MAML3: variants seen among roughly 807,000 people sequenced by gnomAD.
The protein encoded by MAML3 is mastermind-like protein 3.
MAML3 carries 27 observed loss-of-function variants against 101.9 expected under a neutral mutation model. The ratio of observed to expected loss-of-function variants is 0.27; its 90% CI spans 0.20 to 0.37. MAML3 has a LOEUF of 0.37. Ranked by LOEUF, MAML3 falls within the 10% of genes least tolerant of loss-of-function variation. MAML3 has a pLI of 1.00. For missense variants in MAML3, 1,316 were observed against 1,444.9 expected (o/e 0.91, Z 1.45); for synonymous variants, 501 against 555.9 (o/e 0.90, Z 1.39).
intron 1 of MAML3, among the ~76,000 whole-genome samples, chr4:140,036,979 A>G (rs1042337585): frequency 3.9e-5 from 6 of 152,170 alleles, no homozygotes; most frequent in Admixed American, 3.9e-4. Context: ...GCTTCAACAC[A>G]AGAATTTATA....
intron 2 of MAML3, among the ~76,000 whole-genome samples, chr4:139,792,253 G>A (rs1454191687): frequency 2.0e-5 from 3 of 152,126 alleles, no homozygotes; most frequent in African/African-American, 7.2e-5. Flanking sequence ...AAATCTAAGA[G>A]ATCTGAGAAG....
chr4:139,730,767 A>G lies in MAML3; in HGVS notation c.2080-100T>C, dbSNP rs550301848. 183 of 1,129,952 alleles carry G rather than the reference A, an allele frequency of 1.6e-4. 1 individual carries two copies. Among genetic ancestry groups the G allele is most frequent in the South Asian group, 1.2e-3 (81 of 65,838 alleles). The allele number at this position is 1,129,952 out of a possible 1,614,324, so 70.0% of individuals were successfully genotyped here. A position where few individuals can be genotyped will look rare whatever the true frequency, so the allele number is the denominator to read the frequency against. ...AAAAAGGGAACGGGGCAGAAGTCCCAGCTTATGGACTGGAGGGTTTTTGAG... is the reference window on the plus strand; with the variant it reads ...AAAAAGGGAACGGGGCAGAAGTCCCGGCTTATGGACTGGAGGGTTTTTGAG... On this transcript the variant is annotated intron_variant, in intron 2 of 4. Coordinates refer to ENST00000509479, the MANE Select transcript of MAML3 (RefSeq NM_018717.5).
rs539490616 is a variant in MAML3, at chr4:139,753,157, T to C, written c.2080-22490A>G. 9.2e-5 allele frequency among the ~76,000 whole-genome samples: 14 copies of C among 152,294 alleles called. No individual in the cohort carries two copies. The South Asian group carries it at 2.9e-3, about 32-fold the overall frequency. On this transcript the variant is annotated intron_variant, in intron 2 of 4. Coordinates refer to ENST00000509479, the MANE Select transcript of MAML3 (RefSeq NM_018717.5). ...TTCCTTCTTTCCCTTTTCATTGGGG[T>C]AAAATATACATAACATAAAATTTAT... is the stretch of plus-strand genomic sequence containing the variant.
Position 139,823,789 on chromosome 4 carries a change from C to T in MAML3, c.2079+65568G>A, listed in dbSNP as rs114508503. On this transcript the variant is annotated intron_variant, in intron 2 of 4. Transcript: ENST00000509479. ...CAGAGTTCCTATTCTTTTTTATCCGCTCACAGATTTAAGTGCCTAGAGCAG... is the reference window on the plus strand; with the variant it reads ...CAGAGTTCCTATTCTTTTTTATCCGTTCACAGATTTAAGTGCCTAGAGCAG... Among the ~76,000 whole-genome samples the T allele has an allele frequency of 6.1e-3, 925 of 151,036 alleles. 12 individuals carry two copies. Among genetic ancestry groups the T allele is most frequent in the African/African-American group, 0.021 (858 of 41,112 alleles).
chr4:140,005,914 TAGTGTTAAAG>T (rs1266922678), intron 1 of MAML3, among the ~76,000 whole-genome samples: 1 of 152,180 alleles, frequency 6.6e-6, no homozygotes, highest in Non-Finnish European at 1.5e-5. Context: ...TCTCACCCAA[TAGTGTTAAAG>T]ACATTACTGC....
chr4:139,810,318 G>A (rs1169075753), intron 2 of MAML3, among the ~76,000 whole-genome samples: 2 of 150,876 alleles, frequency 1.3e-5, no homozygotes, highest in Non-Finnish European at 2.9e-5. Flanking sequence ...TCAGCCTCCT[G>A]AGTAGCTGGC....
chr4:139,853,751 G>A (rs1455279256), intron 2 of MAML3, among the ~76,000 whole-genome samples: 1 of 152,074 alleles, frequency 6.6e-6, no homozygotes, highest in Non-Finnish European at 1.5e-5. Flanking sequence ...AGTGGAGAGG[G>A]GTGTTTAAAT....
At chr4:140,008,208 G>A (rs952288019) in intron 1 of MAML3, among the ~76,000 whole-genome samples, 2 of 152,168 alleles carry the variant, frequency 1.3e-5, no homozygotes, top group African/African-American at 4.8e-5. Flanking sequence ...TTAGCTGGGC[G>A]TGGTGGCGCA....
chr4:140,110,098 A>T (rs779115113), intron 1 of MAML3, among the ~76,000 whole-genome samples: 3 of 152,240 alleles, frequency 2.0e-5, no homozygotes, highest in Admixed American at 2.0e-4. Flanking sequence ...GTCCCTTTGC[A>T]GCCAACGAAT....
intron 2 of MAML3, among the ~76,000 whole-genome samples, chr4:139,763,598 C>T (rs1335812634): frequency 8.4e-6 from 1 of 118,900 alleles, no homozygotes; most frequent in Admixed American, 9.0e-5. Flanking sequence ...ACTAAAAAAT[C>T]CTGTTCAGCA....
chr4:139,772,065 C>T (rs1730000794), intron 2 of MAML3, among the ~76,000 whole-genome samples: 1 of 151,122 alleles, frequency 6.6e-6, no homozygotes, highest in Non-Finnish European at 1.5e-5. Flanking sequence ...CGGTGAAACC[C>T]CCGTCTCTAC....
chr4:139,927,044 G>A (rs1446456041), intron 1 of MAML3, among the ~76,000 whole-genome samples: 1 of 150,604 alleles, frequency 6.6e-6, no homozygotes, highest in Non-Finnish European at 1.5e-5. Context: ...TTCAGTTTGT[G>A]TGTGTTTAAT....
intron 2 of MAML3, among the ~76,000 whole-genome samples, chr4:139,833,452 G>A (rs1578622957): frequency 6.6e-6 from 1 of 152,144 alleles, no homozygotes; most frequent in African/African-American, 2.4e-5. Context: ...GTACATGTTC[G>A]ATTTGGGGAG....
intron 1 of MAML3, among the ~76,000 whole-genome samples, chr4:139,947,871 G>A (rs1039170105): frequency 6.6e-6 from 1 of 152,126 alleles, no homozygotes; most frequent in Non-Finnish European, 1.5e-5. Context: ...GGATGCTGGG[G>A]TGGGCGGATC....
At chr4:140,060,388 C>CAAAAAA (rs1553971714) in intron 1 of MAML3, among the ~76,000 whole-genome samples, 1 of 21,820 alleles carries the variant, frequency 4.6e-5, no homozygotes, top group Non-Finnish European at 1.2e-4. Context: ...AAAAAAAAGT[C>CAAAAAA]ACAAGCCTGA....
intron 1 of MAML3, among the ~76,000 whole-genome samples, chr4:139,999,921 G>A (rs577033231): frequency 1.3e-5 from 2 of 152,164 alleles, no homozygotes; most frequent in South Asian, 4.1e-4. Context: ...TACATTTGGG[G>A]AAGAAATGTG....
intron 2 of MAML3, among the ~76,000 whole-genome samples, chr4:139,780,233 A>G (rs987556861): frequency 2.6e-5 from 4 of 152,194 alleles, no homozygotes; most frequent in Admixed American, 2.6e-4. Flanking sequence ...AGAAAGTTCC[A>G]TTGGACGGCT....
At chr4:140,106,720 C>A (rs1311372975) in intron 1 of MAML3, among the ~76,000 whole-genome samples, 1 of 152,166 alleles carries the variant, frequency 6.6e-6, no homozygotes, top group Admixed American at 6.5e-5. Context: ...ACTACCCAGA[C>A]TATTTGTAAA....
chr4:140,006,212 A>G (rs1726441985), intron 1 of MAML3, among the ~76,000 whole-genome samples: 1 of 152,120 alleles, frequency 6.6e-6, no homozygotes, highest in African/African-American at 2.4e-5. Context: ...CGAGGGGGCC[A>G]ATAGGAAGAA....
Sources: gnomAD v4.1 joint callset for allele counts (sites outside exome capture counted in the v4.1 genomes callset) on GRCh38, gnomAD v4.1.1 for gene constraint, MANE v1.5 for transcripts, NCBI Gene and HGNC (gene_info 2026-07-23, HGNC 2026-07-21) for gene names.